The following CACNA1B variants were observed in gnomAD, a reference collection of about 807,000 sequenced individuals.
The protein encoded by CACNA1B is voltage-dependent N-type calcium channel subunit alpha-1B.
In CACNA1B, 70 loss-of-function variants were observed where a neutral mutation model predicts 247.2. That is an observed-to-expected ratio of 0.28 (90% CI 0.23 to 0.35). The LOEUF (loss-of-function observed/expected upper bound fraction) is 0.35, where lower values mean the gene tolerates loss of function less well. Ranked by LOEUF, CACNA1B falls within the 10% of genes least tolerant of loss-of-function variation. CACNA1B has a pLI of 1.00. For missense variants in CACNA1B, 2,367 were observed against 3,197.4 expected (o/e 0.74, Z 6.26); for synonymous variants, 1,231 against 1,294.4 (o/e 0.95, Z 1.05).
Position 138,057,968 on chromosome 9 carries a change from C to A in CACNA1B, c.4107-81C>A. On this transcript the variant is annotated intron_variant, in intron 27 of 46. Transcript: ENST00000371372. The surrounding 1 kb of genome is among the most constrained non-coding windows in gnomAD (Gnocchi z 4.0). ...CTGGGCTCAGGCATGGAAGCAGACC[C>A]ACCCTTGTGGTGCAGGTCTTGAGTT... The A allele has an allele frequency of 6.4e-7, 1 of 1,554,696 alleles. No individual in the cohort carries two copies. Among genetic ancestry groups the A allele is most frequent in the Non-Finnish European group, 8.9e-7 (1 of 1,128,970 alleles).
intron 3 of CACNA1B, among the ~76,000 whole-genome samples, chr9:137,903,827 T>C (rs1259524346): frequency 6.6e-6 from 1 of 152,220 alleles, no homozygotes; most frequent in Non-Finnish European, 1.5e-5. Flanking sequence ...AAGTGGTTTG[T>C]ATTGATTGGC....
In CACNA1B at chr9:137,942,668, A is replaced by C. The variant is rs149141875; in HGVS notation, c.967-9606A>C. 4.6e-3 allele frequency among the ~76,000 whole-genome samples: 702 copies of C among 152,362 alleles called. 2 individuals carry two copies. Among genetic ancestry groups the C allele is most frequent in the Non-Finnish European group, 7.1e-3 (483 of 68,040 alleles). On this transcript the variant is annotated intron_variant, in intron 6 of 46. Transcript: ENST00000371372. ...AATGGAATGAATTAGTGGCATTCAC[A>C]GTGACCTTGATGAGATTGGGACTAT...
intron 3 of CACNA1B, among the ~76,000 whole-genome samples, chr9:137,901,441 T>G (rs554665273): frequency 5.3e-5 from 8 of 152,322 alleles, no homozygotes; most frequent in African/African-American, 1.9e-4. Context: ...TTTTCCTGCC[T>G]CAGCCTCCTA....
rs1024947082 is a variant in CACNA1B at position 137,957,382 on chromosome 9, C to T, written c.1244-216C>T. Among the ~76,000 whole-genome samples the T allele has an allele frequency of 5.3e-5, 8 of 152,176 alleles. No homozygotes were observed. The highest frequency in any genetic ancestry group is 2.0e-4 in the Admixed American group (3 of 15,286). ...GCCTCATTTTGGAAGAAAGGGAAAGCGGGGACCCCTCACCCTCAAAATTCC... is the reference window on the plus strand; with the variant it reads ...GCCTCATTTTGGAAGAAAGGGAAAGTGGGGACCCCTCACCCTCAAAATTCC... On this transcript the variant is annotated intron_variant, in intron 9 of 46. Transcript: ENST00000371372. The surrounding 1 kb of genome is among the most constrained non-coding windows in gnomAD (Gnocchi z 4.7).
At chr9:137,991,493 A>G (rs2133389015) in intron 15 of CACNA1B, among the ~76,000 whole-genome samples, 1 of 152,372 alleles carries the variant, frequency 6.6e-6, no homozygotes, top group African/African-American at 2.4e-5. Context: ...TTAGGAAAAC[A>G]TATTTGAGGG....
In CACNA1B at chr9:137,917,729, G is replaced by T. The variant is rs1221425977; in HGVS notation, c.966+298G>T. ...CAGAGAAGAAAACTCCAGAGGAGATGCTGCTGTTTCTGTTGGCAAGGACGA... is the reference window on the plus strand; with the variant it reads ...CAGAGAAGAAAACTCCAGAGGAGATTCTGCTGTTTCTGTTGGCAAGGACGA... On this transcript the variant is annotated intron_variant, in intron 6 of 46. Transcript: ENST00000371372. This position sits in a 1 kb window ranked among gnomAD's most constrained non-coding sequence, Gnocchi z 5.5. Among the ~76,000 whole-genome samples the T allele has an allele frequency of 2.0e-5, 3 of 152,248 alleles. No homozygotes were observed. Among genetic ancestry groups the T allele is most frequent in the Non-Finnish European group, 4.4e-5 (3 of 68,036 alleles).
rs28576120 is a variant in CACNA1B at position 138,122,299 on chromosome 9, C to T, written c.*300C>T. 9,131 of 444,540 alleles carry T rather than the reference C, an allele frequency of 0.021. 624 individuals carry two copies. The highest frequency in any genetic ancestry group is 0.15 in the African/African-American group (7,623 of 51,028). 27.5% of individuals were successfully genotyped at this position (444,540 alleles called of 1,614,324 possible). On this transcript the variant is annotated 3_prime_UTR_variant, in exon 47 of 47. Transcript: ENST00000371372. ...GAGAAGGACCCAGGAGTCCAAATCC[C>T]GTGTCCTGGGACTCAGCATCCAGCA...
Position 137,984,114 on chromosome 9 carries a change from A to G in CACNA1B, c.1657-24A>G, listed in dbSNP as rs41277871. The G allele has an allele frequency of 0.035, 54,100 of 1,554,546 alleles. 1,157 individuals carry two copies. Among genetic ancestry groups the G allele is most frequent in the South Asian group, 0.072 (6,096 of 85,048 alleles). ...GCACAGGTGCAGATACGGTGCACCC[A>G]AGGCTAATGCCATCCCGTTGCAGGT... On this transcript the variant is annotated intron_variant, in intron 12 of 46. Coordinates refer to ENST00000371372, the MANE Select transcript of CACNA1B (RefSeq NM_000718.4).
Position 138,059,023 on chromosome 9 carries a change from A to G in CACNA1B, c.4474-56A>G. Reference sequence around the variant, plus strand: ...CTTTGCTTGGTCATAGTGGTCCCAGATGGGGTGTCTTGGGGCTGCCAAACC... The same window carrying G: ...CTTTGCTTGGTCATAGTGGTCCCAGGTGGGGTGTCTTGGGGCTGCCAAACC... On this transcript the variant is annotated intron_variant, in intron 29 of 46. Coordinates refer to ENST00000371372, the MANE Select transcript of CACNA1B (RefSeq NM_000718.4). This position sits in a 1 kb window ranked among gnomAD's most constrained non-coding sequence, Gnocchi z 4.2. The G allele has an allele frequency of 1.9e-6, 2 of 1,047,470 alleles. No homozygotes were observed. The highest frequency in any genetic ancestry group is 3.0e-6 in the Non-Finnish European group (2 of 675,910). 64.9% of individuals were successfully genotyped at this position (1,047,470 alleles called of 1,614,324 possible).
intron 36 of CACNA1B, among the ~76,000 whole-genome samples, chr9:138,092,315 C>A (rs1960905637): frequency 6.6e-6 from 1 of 152,234 alleles, no homozygotes; most frequent in African/African-American, 2.4e-5. Context: ...GGCACACAAT[C>A]CCAGAGCAGC....
intron 10 of CACNA1B, among the ~76,000 whole-genome samples, chr9:137,970,989 C>T (rs996341217): frequency 6.6e-6 from 1 of 152,134 alleles, no homozygotes; most frequent in Non-Finnish European, 1.5e-5. Context: ...CTGCAGGGCT[C>T]TGTGGGCTAT....
intron 15 of CACNA1B, among the ~76,000 whole-genome samples, chr9:137,996,931 G>A (rs1464036739): frequency 6.6e-6 from 1 of 151,622 alleles, no homozygotes; most frequent in African/African-American, 2.4e-5. Context: ...AAAGCATCTG[G>A]GGGAAACCAT....
intron 31 of CACNA1B, among the ~76,000 whole-genome samples, chr9:138,065,313 C>T (rs1343905767): frequency 6.6e-6 from 1 of 152,176 alleles, no homozygotes; most frequent in African/African-American, 2.4e-5. Flanking sequence ...CTTCCCAAGT[C>T]AGGCTGTATG....
chr9:138,090,701 C>CAAAAAAAAAAAAAAAA (rs1173964720), intron 36 of CACNA1B, among the ~76,000 whole-genome samples: 4 of 16,594 alleles, frequency 2.4e-4, no homozygotes, highest in African/African-American at 4.2e-4. Flanking sequence ...AACCCATCAG[C>CAAAAAAAAAAAAAAAA]AAAAAAAAAA....
chr9:137,965,511 C>G (rs527593979), intron 10 of CACNA1B, among the ~76,000 whole-genome samples: 18 of 152,354 alleles, frequency 1.2e-4, no homozygotes, highest in African/African-American at 4.3e-4. Context: ...TGAGATCCCA[C>G]CTCTACAAAG....
intron 6 of CACNA1B, among the ~76,000 whole-genome samples, chr9:137,934,447 C>G (rs1169197944): frequency 6.6e-6 from 1 of 152,190 alleles, no homozygotes; most frequent in African/African-American, 2.4e-5. Context: ...ATTGCAGTTC[C>G]CACTCGGATG....
chr9:137,956,796 C>T lies in CACNA1B; in HGVS notation c.1212C>T (p.Asp404=). Residue 404 remains aspartate, a synonymous_variant, in exon 9 of 47, where the codon GAC becomes GAT. Transcript: ENST00000371372. ...KAEEVMLAEE[D]RNAEEKSPLD... is the part of the protein sequence containing the mutation. Reference sequence around the variant, plus strand: ...AGGAAGTCATGCTGGCCGAGGAGGACAGGAATGCAGAGGAGAAGTCCCCTT... The same window carrying T: ...AGGAAGTCATGCTGGCCGAGGAGGATAGGAATGCAGAGGAGAAGTCCCCTT... 1 of 1,613,778 alleles carries T rather than the reference C, an allele frequency of 6.2e-7. No individual in the cohort carries two copies. The highest frequency in any genetic ancestry group is 2.2e-5 in the East Asian group (1 of 44,864).
intron 37 of CACNA1B, chr9:138,101,135 T>A (rs757860090): frequency 1.9e-6 from 1 of 533,242 alleles, no homozygotes; most frequent in South Asian, 1.4e-5. Context: ...TATGTACAGT[T>A]TGTTGCGTTG....
chr9:138,106,402 A>G (rs1961429497), intron 39 of CACNA1B, among the ~76,000 whole-genome samples: 1 of 151,358 alleles, frequency 6.6e-6, no homozygotes, highest in Admixed American at 6.6e-5. Flanking sequence ...CCGTAGTGGC[A>G]ATGCCATACT....
Sources: allele counts gnomAD v4.1 joint callset (sites outside exome capture counted in the v4.1 genomes callset), GRCh38; gene constraint gnomAD v4.1.1; non-coding constraint Gnocchi (gnomAD v3.1); transcripts MANE v1.5; gene names NCBI Gene and HGNC (gene_info 2026-07-23, HGNC 2026-07-21).